UBASH3A: variants seen among roughly 807,000 people sequenced by gnomAD.
The protein encoded by UBASH3A is ubiquitin-associated and SH3 domain-containing protein A.
Under a neutral mutation model 73.5 loss-of-function variants are expected in UBASH3A, and 63 were observed. The observed-to-expected ratio is 0.86, with a 90% CI of 0.70 to 1.06. The LOEUF is 1.06. Among genes scored for constraint, UBASH3A ranks in the 50% least tolerant of loss-of-function variants. The pLI is 0.00. For synonymous variants in UBASH3A, 363 were observed against 351.1 expected (o/e 1.03, Z -0.38); for missense variants, 860 against 859.0 (o/e 1.00, Z -0.02).
At chr21:42,439,653 CCACACACACCA>C (rs1459026746) in intron 11 of UBASH3A, among the ~76,000 whole-genome samples, 19 of 151,068 alleles carry the variant, frequency 1.3e-4, no homozygotes, top group African/African-American at 3.4e-4. Flanking sequence ...GCACACACAT[CCACACACACCA>C]CACACACACC....
intron 7 of UBASH3A, among the ~76,000 whole-genome samples, 183 bp from the exon 8 acceptor site, chr21:42,426,514 C>T (rs766685694): frequency 5.3e-5 from 8 of 152,214 alleles, no homozygotes; most frequent in Non-Finnish European, 1.0e-4. Flanking sequence ...ATAAAACAAA[C>T]ACATCATCCA....
chr21:42,426,672 A>C, intron 7 of UBASH3A, 25 bp from the exon 8 acceptor site: 2 of 1,612,444 alleles, frequency 1.2e-6, no homozygotes, highest in Non-Finnish European at 1.7e-6. Context: ...ACTTCTGTTC[A>C]AGCCGTGCTT....
At chr21:42,438,523 G>A (rs998736822) in intron 11 of UBASH3A, among the ~76,000 whole-genome samples, 10 of 152,158 alleles carry the variant, frequency 6.6e-5, no homozygotes, top group African/African-American at 2.4e-4. Flanking sequence ...GGGCTAGGGG[G>A]TCTCTTCCAG....
intron 3 of UBASH3A, among the ~76,000 whole-genome samples, chr21:42,410,912 T>C (rs1216823275): frequency 1.3e-5 from 2 of 148,194 alleles, no homozygotes; most frequent in African/African-American, 2.5e-5. Context: ...TACATAGATA[T>C]AGACACACAG....
chr21:42,428,325 C>T (rs2053474704), intron 8 of UBASH3A, among the ~76,000 whole-genome samples: 2 of 152,162 alleles, frequency 1.3e-5, no homozygotes, highest in South Asian at 4.1e-4. Flanking sequence ...CAGGTCTTTG[C>T]AGCCTTGGTG....
At chr21:42,411,871 A>G (rs1026624484) in intron 3 of UBASH3A, among the ~76,000 whole-genome samples, 2 of 152,232 alleles carry the variant, frequency 1.3e-5, no homozygotes. Flanking sequence ...ACATGTGTTC[A>G]CTGGGTGGTT....
At chr21:42,410,206 C>A in intron 3 of UBASH3A, 1 of 699,958 alleles carries the variant, frequency 1.4e-6, no homozygotes, top group Non-Finnish European at 2.6e-6. Context: ...ACAGGGGCAC[C>A]GGGAAGACAA....
chr21:42,413,393 C>T lies in UBASH3A; in HGVS notation c.554-17C>T, dbSNP rs747428447. The T allele has an allele frequency of 1.2e-6, 2 of 1,602,130 alleles. No individual in the cohort carries two copies. Among genetic ancestry groups the T allele is most frequent in the Non-Finnish European group, 1.7e-6 (2 of 1,172,470 alleles). The stretch of plus-strand genomic sequence containing the variant: ...GGCTTTCTTCCGGGCTCAGTGGCTG[C>T]ACCTGTCCTCACCCAGGCACTTCCG... On this transcript the variant is annotated splice_polypyrimidine_tract_variant and intron_variant, in intron 4 of 14. Transcript: ENST00000319294. This position sits in a 1 kb window ranked among gnomAD's most constrained non-coding sequence, Gnocchi z 4.5.
In UBASH3A at chr21:42,444,590, C is replaced by CTG. The variant is rs1229855950; in HGVS notation, c.1796_1797dup (p.Leu600CysfsTer16). 6.2e-7 allele frequency: 1 copy of CTG among 1,614,116 alleles called. No individual in the cohort carries two copies. Among genetic ancestry groups the CTG allele is most frequent in the Admixed American group, 1.7e-5 (1 of 60,018 alleles). ...CACTCTGGACTCCTGCACGCGGCCA[C>CTG]TGCTCGGGCTGCCGCCCCGGGAATG... is the stretch of plus-strand genomic sequence containing the variant. On this transcript the variant is annotated frameshift_variant, in exon 14 of 15. Coordinates refer to ENST00000319294, the MANE Select transcript of UBASH3A (RefSeq NM_018961.4). LOFTEE classifies it high-confidence loss of function.
Position 42,426,788 on chromosome 21 carries a change from G to T in UBASH3A, c.1138G>T (p.Ala380Ser). The T allele has an allele frequency of 1.2e-6, 2 of 1,614,196 alleles. No homozygotes were observed. The highest frequency in any genetic ancestry group is 2.2e-5 in the East Asian group (1 of 44,886). The change falls in exon 8 of 15, where the codon GCA becomes TCA. Residue 380 changes from alanine (A) to serine (S), a missense_variant. Physicochemically the swap from Ala to Ser is moderately conservative, Grantham distance 99. Coordinates refer to ENST00000319294, the MANE Select transcript of UBASH3A (RefSeq NM_018961.4). ...CAGCGGGGAATTTCTTCCACAAACG[G>T]CAAGGAGTCTTAGCAGCTTACAGGC... is the stretch of plus-strand genomic sequence containing the variant. ...RCSGEFLPQTARSLSSLQALQ... is the reference protein window; with the variant it reads ...RCSGEFLPQTSRSLSSLQALQ...
chr21:42,410,146 G>T (rs2053060701), intron 3 of UBASH3A: 3 of 702,130 alleles, frequency 4.3e-6, no homozygotes, highest in Non-Finnish European at 5.2e-6. Context: ...AAAAAAAATG[G>T]CCCAGTGGGT....
chr21:42,428,359 G>A (rs1184052852), intron 8 of UBASH3A, among the ~76,000 whole-genome samples: 1 of 152,136 alleles, frequency 6.6e-6, no homozygotes, highest in Non-Finnish European at 1.5e-5. Context: ...GCCTTTTCTT[G>A]AGAAATCAAG....
At position 42,442,500 on chromosome 21, in the gene UBASH3A, T is replaced by C; in HGVS notation, c.1535T>C (p.Phe512Ser). The change falls in exon 12 of 15, where the codon TTT becomes TCT. Residue 512 changes from phenylalanine to serine, a missense_variant. Coordinates refer to ENST00000319294, the MANE Select transcript of UBASH3A (RefSeq NM_018961.4). ...KIKIRVEPGI[F>S]EWTKWEAGKT... is the part of the protein sequence containing the mutation. ...AAGATACGAGTGGAACCTGGAATCT[T>C]TGAATGGACAAAATGGGAAGCTGGC... The C allele has an allele frequency of 1.2e-6, 2 of 1,614,100 alleles. No individual in the cohort carries two copies. Among genetic ancestry groups the C allele is most frequent in the Non-Finnish European group, 1.7e-6 (2 of 1,180,018 alleles).
intron 8 of UBASH3A, among the ~76,000 whole-genome samples, chr21:42,429,471 G>T (rs892949707): frequency 6.6e-6 from 1 of 152,142 alleles, no homozygotes; most frequent in Non-Finnish European, 1.5e-5. Context: ...CATTTAAAAT[G>T]CTCTGAGCTC....
Position 42,444,656 on chromosome 21 carries a change from T to A in UBASH3A, c.1848+13T>A. ...ACTCGTGAGAAAGGTACGCGCCCAC[T>A]CTTGGCTCTTTGGGCCACAAAATCA... On this transcript the variant is annotated intron_variant, in intron 14 of 14. Coordinates refer to ENST00000319294, the MANE Select transcript of UBASH3A (RefSeq NM_018961.4). 6.3e-7 allele frequency: 1 copy of A among 1,588,684 alleles called. No homozygotes were observed.
intron 3 of UBASH3A, among the ~76,000 whole-genome samples, chr21:42,411,722 G>A (rs2053101797): frequency 6.6e-6 from 1 of 152,238 alleles, no homozygotes; most frequent in Admixed American, 6.5e-5. Flanking sequence ...GAGACTCACT[G>A]TGTACCTTGA....
At chr21:42,429,229 C>T (rs558855594) in intron 8 of UBASH3A, among the ~76,000 whole-genome samples, 3 of 152,314 alleles carry the variant, frequency 2.0e-5, no homozygotes, top group Middle Eastern at 3.4e-3. Context: ...GCCCTGCCAA[C>T]ACCTTGACTT....
Position 42,413,358 on chromosome 21 carries a change from T to C in UBASH3A, c.554-52T>C, listed in dbSNP as rs2053140643. 1.9e-6 allele frequency: 3 copies of C among 1,551,190 alleles called. No individual in the cohort carries two copies. The South Asian group carries it at 3.4e-5, about 18-fold the overall frequency. ...GCAGAGCCCAGCAGCAATGGTGGGATGGCTGGGTGGGCTTTCTTCCGGGCT... is the reference window on the plus strand; with the variant it reads ...GCAGAGCCCAGCAGCAATGGTGGGACGGCTGGGTGGGCTTTCTTCCGGGCT... On this transcript the variant is annotated intron_variant, in intron 4 of 14. Coordinates refer to ENST00000319294, the MANE Select transcript of UBASH3A (RefSeq NM_018961.4). This position sits in a 1 kb window ranked among gnomAD's most constrained non-coding sequence, Gnocchi z 4.5.
intron 9 of UBASH3A, among the ~76,000 whole-genome samples, chr21:42,432,596 C>T (rs998880614): frequency 6.6e-6 from 1 of 152,226 alleles, no homozygotes; most frequent in African/African-American, 2.4e-5. Context: ...CACATCAATG[C>T]TAATCTCCTA....
Sources: gnomAD v4.1 joint callset for allele counts (sites outside exome capture counted in the v4.1 genomes callset) on GRCh38, gnomAD v4.1.1 for gene constraint, Gnocchi (gnomAD v3.1) non-coding constraint, MANE v1.5 for transcripts, NCBI Gene and HGNC (gene_info 2026-07-23, HGNC 2026-07-21) for gene names.